PTPN22: variants seen among roughly 807,000 people sequenced by gnomAD.
The protein encoded by PTPN22 is tyrosine-protein phosphatase non-receptor type 22.
A neutral mutation model predicts 103.3 loss-of-function variants in PTPN22; 85 were observed. The observed-to-expected ratio is 0.82, with a 90% CI of 0.69 to 0.99. The LOEUF is 0.99. Among genes scored for constraint, PTPN22 ranks in the 50% least tolerant of loss-of-function variants. The pLI, the probability that PTPN22 is intolerant of heterozygous loss-of-function variation, is 0.00. For synonymous variants in PTPN22, 323 were observed against 310.2 expected, an observed-to-expected ratio of 1.04 and a Z score of -0.43; for missense variants, 865 against 936.9, an observed-to-expected ratio of 0.92 and a Z score of 1.00.
At chr1:113,858,279 A>T (rs1230905537) in intron 4 of PTPN22, among the ~76,000 whole-genome samples, 199 bp downstream of exon 4, 2 of 152,112 alleles carry the variant, frequency 1.3e-5, no homozygotes, top group Non-Finnish European at 2.9e-5. Context: ...GCTGGTCTAG[A>T]ACCCCTAGGC....
At chr1:113,829,219 AT>A (rs10712384) in intron 18 of PTPN22, 4,397 of 147,786 alleles carry the variant, frequency 0.03, 204 homozygotes, top group African/African-American at 0.1. Context: ...GGAGAAGTGG[AT>A]TTTTTTTTTC....
chr1:113,850,200 AGAAGGAAGGAAGGAAGGAAGGAAG>A (rs71090741), intron 10 of PTPN22, among the ~76,000 whole-genome samples: 1,504 of 78,014 alleles, frequency 0.019, 47 homozygotes, highest in African/African-American at 0.063. Context: ...CCATCTCAAA[AGAAGGAAGGAAGGAAGGAAGGAAG>A]GAAGGAAGGA....
At chr1:113,838,273 G>A (rs555451846) in exon 13 of PTPN22, 13 of 1,614,056 alleles carry the variant, frequency 8.1e-6, no homozygotes, top group East Asian at 4.5e-5. Context: ...GTCAAAAGAA[G>A]TGCTTGATTT....
chr1:113,834,405 G>A lies in PTPN22; in HGVS notation c.1929C>T (p.Ser643=), dbSNP rs568403087. Reference sequence around the variant, plus strand: ...TTCCAATTTTTACCTTCACAGCTGAGGATAAGGATTTGGGAACATTTGGTG... The same window carrying A: ...TTCCAATTTTTACCTTCACAGCTGAAGATAAGGATTTGGGAACATTTGGTG... The change falls in exon 15 of 21, where the codon TCC becomes TCT. Residue 643 remains serine (S), a synonymous_variant. Transcript: ENST00000359785. The A allele has an allele frequency of 1.4e-5, 22 of 1,613,392 alleles. No homozygotes were observed. The African/African-American group carries it at 2.7e-4, about 20-fold the overall frequency.
At chr1:113,848,760 T>C in intron 10 of PTPN22, 134 bp from the exon 11 acceptor site, 2 of 791,102 alleles carry the variant, frequency 2.5e-6, no homozygotes, top group East Asian at 4.9e-5. Flanking sequence ...CGGCATGTTA[T>C]TAAACTTACT....
At chr1:113,865,725 G>A (rs1325614521) in intron 1 of PTPN22, among the ~76,000 whole-genome samples, 1 of 151,994 alleles carries the variant, frequency 6.6e-6, no homozygotes, top group Non-Finnish European at 1.5e-5. Flanking sequence ...CAAAAGAAGG[G>A]AAAAACCACA....
chr1:113,856,451 A>T lies in PTPN22; in HGVS notation c.481-10T>A, dbSNP rs1253992448. ...TCCTTTTTTCAGCTTCCTAAAAAGAAAAAGAAGACTCAAGTATTAGTGATT... is the reference window on the plus strand; with the variant it reads ...TCCTTTTTTCAGCTTCCTAAAAAGATAAAGAAGACTCAAGTATTAGTGATT... On this transcript the variant is annotated splice_polypyrimidine_tract_variant and intron_variant, in intron 6 of 20. Transcript: ENST00000359785. 2 of 1,609,040 alleles carry T rather than the reference A, an allele frequency of 1.2e-6. No homozygotes were observed. Among genetic ancestry groups the T allele is most frequent in the African/African-American group, 1.3e-5 (1 of 74,756 alleles).
chr1:113,854,620 G>T, intron 8 of PTPN22, 83 bp from the exon 9 acceptor site: 1 of 1,346,560 alleles, frequency 7.4e-7, no homozygotes, highest in Non-Finnish European at 1.1e-6. Context: ...AATTTCACCA[G>T]CAGATTTGAG....
At chr1:113,831,984 G>T (rs1460522775) in intron 16 of PTPN22, among the ~76,000 whole-genome samples, 1 of 152,090 alleles carries the variant, frequency 6.6e-6, no homozygotes, top group East Asian at 1.9e-4. Flanking sequence ...GGACTTATTT[G>T]ACAAGTACTA....
intron 1 of PTPN22, among the ~76,000 whole-genome samples, chr1:113,863,888 A>C (rs1665852634): frequency 6.9e-6 from 1 of 145,636 alleles, no homozygotes; most frequent in Admixed American, 7.0e-5. Flanking sequence ...GGATTCAATG[A>C]ATCCTTTATA....
chr1:113,863,990 C>T lies in PTPN22; in HGVS notation c.88-4530G>A, dbSNP rs550815449. Among the ~76,000 whole-genome samples, 6 of 150,594 alleles carry T rather than the reference C, an allele frequency of 4.0e-5. No individual in the cohort carries two copies. In the East Asian group the frequency reaches 9.8e-4, roughly 25 times the overall value. ...CTAGAGTGCAGTGGCGCGATCTCGG[C>T]TCACTGCAACTTTGCCTGCAATCCC... On this transcript the variant is annotated intron_variant, in intron 1 of 20. Coordinates refer to ENST00000359785, the Ensembl canonical transcript of PTPN22.
upstream of PTPN22, chr1:113,871,737 G>T: frequency 1.2e-6 from 1 of 864,652 alleles, no homozygotes; most frequent in Non-Finnish European, 1.9e-6. Flanking sequence ...AGAGCATGCT[G>T]AAGGCTGTGG....
exon 21 of PTPN22, chr1:113,814,315 C>A (rs1485672779): frequency 6.6e-6 from 1 of 152,098 alleles, no homozygotes; most frequent in Non-Finnish European, 1.5e-5. Flanking sequence ...TTCCTTGTTA[C>A]ATTCAAATAA....
chr1:113,817,000 A>T (rs1289460376), intron 20 of PTPN22, among the ~76,000 whole-genome samples: 3 of 152,122 alleles, frequency 2.0e-5, no homozygotes, highest in African/African-American at 7.2e-5. Context: ...TTCAAGAAAA[A>T]AAAGCACATT....
chr1:113,868,946 GGGCGTGGT>G (rs1666340566), intron 1 of PTPN22, among the ~76,000 whole-genome samples: 1 of 151,940 alleles, frequency 6.6e-6, no homozygotes, highest in Non-Finnish European at 1.5e-5. Context: ...AGATTTGGCT[GGGCGTGGT>G]GGCTCATGCC....
At chr1:113,839,721 A>G (rs1369456277) in intron 11 of PTPN22, among the ~76,000 whole-genome samples, 2 of 152,182 alleles carry the variant, frequency 1.3e-5, no homozygotes, top group African/African-American at 4.8e-5. Flanking sequence ...AATGTTCTCA[A>G]CATGATAGAG....
chr1:113,832,882 TTA>T, intron 16 of PTPN22: 3 of 392,856 alleles, frequency 7.6e-6, no homozygotes, highest in Non-Finnish European at 1.4e-5. Context: ...GAAATAGTTT[TTA>T]TATATTATTT....
At chr1:113,832,608 A>G (rs1662645244) in intron 16 of PTPN22, among the ~76,000 whole-genome samples, 1 of 152,192 alleles carries the variant, frequency 6.6e-6, no homozygotes, top group Admixed American at 6.5e-5. Flanking sequence ...TTATCTGTAT[A>G]TGTATTTGAA....
chr1:113,859,425 G>A, exon 2 of PTPN22: 1 of 1,613,814 alleles, frequency 6.2e-7, no homozygotes, highest in Non-Finnish European at 8.5e-7. Flanking sequence ...GATAGGTTTT[G>A]TCTGCCTTGT....
Sources: allele counts gnomAD v4.1 joint callset (sites outside exome capture counted in the v4.1 genomes callset), GRCh38; gene constraint gnomAD v4.1.1; transcripts MANE v1.5; gene names NCBI Gene and HGNC (gene_info 2026-07-23, HGNC 2026-07-21).